MGAT4C: variants seen among roughly 807,000 people sequenced by gnomAD.
MGAT4C encodes the protein alpha-1,3-mannosyl-glycoprotein 4-beta-N-acetylglucosaminyltransferase C.
Under a neutral mutation model 40.1 loss-of-function variants are expected in MGAT4C, and 19 were observed. The ratio of observed to expected loss-of-function variants is 0.47; its 90% CI spans 0.33 to 0.70. MGAT4C has a LOEUF of 0.70. Among genes scored for constraint, MGAT4C ranks in the 30% least tolerant of loss-of-function variants. The pLI is 0.02. For synonymous variants in MGAT4C, 181 were observed against 187.1 expected (o/e 0.97, Z 0.27); for missense variants, 491 against 563.2 (o/e 0.87, Z 1.30).
At chr12:86,087,632 C>T (rs931649992) in intron 1 of MGAT4C, among the ~76,000 whole-genome samples, 5 of 151,772 alleles carry the variant, frequency 3.3e-5, no homozygotes, top group Admixed American at 1.3e-4. Flanking sequence ...GGGAACACAA[C>T]GGAGTTCACA....
At chr12:86,831,399 T>C (rs1431160278) in intron 1 of MGAT4C, among the ~76,000 whole-genome samples, 1 of 151,716 alleles carries the variant, frequency 6.6e-6, no homozygotes, top group Non-Finnish European at 1.5e-5. Context: ...TGTGATGGGA[T>C]AAGAAGATGC....
chr12:86,448,520 C>G (rs560583769), intron 2 of MGAT4C, among the ~76,000 whole-genome samples: 4 of 152,284 alleles, frequency 2.6e-5, no homozygotes, highest in African/African-American at 9.6e-5. Flanking sequence ...TCTTTACTTA[C>G]TACCTGAATC....
At chr12:86,604,881 G>A (rs1034552845) in intron 2 of MGAT4C, among the ~76,000 whole-genome samples, 1 of 152,118 alleles carries the variant, frequency 6.6e-6, no homozygotes, top group Admixed American at 6.6e-5. Flanking sequence ...TAAGACTCTA[G>A]GGAGCATGTA....
chr12:86,605,665 G>A (rs558343796), intron 2 of MGAT4C, among the ~76,000 whole-genome samples: 79 of 152,258 alleles, frequency 5.2e-4, no homozygotes, highest in African/African-American at 1.7e-3. Context: ...CTGAGCAATG[G>A]TGAGTACTTC....
intron 2 of MGAT4C, among the ~76,000 whole-genome samples, chr12:86,603,339 G>T (rs1339947839): frequency 7.6e-6 from 1 of 131,406 alleles, no homozygotes. Context: ...ATATAGTATA[G>T]TATATAATTA....
At position 85,957,610 on chromosome 12, in the gene MGAT4C, C is replaced by CA. The variant is rs1331908643; in HGVS notation, c.*21678dup. On this transcript the variant is annotated 3_prime_UTR_variant, in exon 5 of 5. Coordinates refer to ENST00000611864, the MANE Select transcript of MGAT4C (RefSeq NM_001351288.2). ...ATGGCTGAAGATAGCTCTGTTATGT[C>CA]AAATAAAACCACAGATTTTCTTTTA... 1 of 92,994 alleles carries CA rather than the reference C, an allele frequency of 1.1e-5. No individual in the cohort carries two copies. The highest frequency in any genetic ancestry group is 2.1e-5 in the Non-Finnish European group (1 of 48,440). 5.8% of individuals were successfully genotyped at this position (92,994 alleles called of 1,614,324 possible). A position where few individuals can be genotyped will look rare whatever the true frequency, so the allele number is the denominator to read the frequency against.
intron 1 of MGAT4C, among the ~76,000 whole-genome samples, chr12:86,232,259 A>T (rs1951355221): frequency 6.6e-6 from 1 of 152,356 alleles, no homozygotes; most frequent in East Asian, 1.9e-4. Context: ...AAAGTTAAAA[A>T]TCCAACACTT....
chr12:86,497,322 T>C (rs1468731187), intron 2 of MGAT4C, among the ~76,000 whole-genome samples: 1 of 151,996 alleles, frequency 6.6e-6, no homozygotes, highest in Non-Finnish European at 1.5e-5. Flanking sequence ...ATTTCAAAGT[T>C]AAAGCAGCGT....
At chr12:86,172,477 A>G (rs1886956814) in intron 1 of MGAT4C, among the ~76,000 whole-genome samples, 1 of 152,140 alleles carries the variant, frequency 6.6e-6, no homozygotes. Context: ...AGCTTTTAAA[A>G]CAGGTAAAAC....
intron 2 of MGAT4C, among the ~76,000 whole-genome samples, chr12:86,572,710 C>G (rs867639183): frequency 7.2e-5 from 11 of 152,184 alleles, no homozygotes; most frequent in Middle Eastern, 3.4e-3. Context: ...CATGATTAAA[C>G]AAACCAGCTC....
At chr12:86,412,381 C>T (rs1956624488) in intron 3 of MGAT4C, among the ~76,000 whole-genome samples, 1 of 152,132 alleles carries the variant, frequency 6.6e-6, no homozygotes, top group African/African-American at 2.4e-5. Context: ...ACAGAGATGC[C>T]CAAAGTTTTG....
At chr12:86,764,014 G>T (rs142435550) in intron 1 of MGAT4C, among the ~76,000 whole-genome samples, 4 of 152,060 alleles carry the variant, frequency 2.6e-5, no homozygotes, top group Admixed American at 6.5e-5. Flanking sequence ...CAGTTGGTGC[G>T]GGGCAGTGGG....
intron 3 of MGAT4C, among the ~76,000 whole-genome samples, chr12:85,987,831 A>G (rs1437283869): frequency 6.6e-6 from 1 of 152,222 alleles, no homozygotes; most frequent in Non-Finnish European, 1.5e-5. Flanking sequence ...AAGTAATTGA[A>G]CATAGCAAGC....
chr12:86,117,631 T>C (rs1280568911), intron 1 of MGAT4C, among the ~76,000 whole-genome samples: 2 of 152,120 alleles, frequency 1.3e-5, no homozygotes, highest in African/African-American at 4.8e-5. Context: ...ATAAAACTCC[T>C]TTCACCAAAA....
chr12:86,510,883 T>A (rs948293339), intron 2 of MGAT4C, among the ~76,000 whole-genome samples: 1 of 151,566 alleles, frequency 6.6e-6, no homozygotes, highest in Non-Finnish European at 1.5e-5. Context: ...CTCCCACACA[T>A]TAATAATGGG....
intron 2 of MGAT4C, among the ~76,000 whole-genome samples, chr12:86,662,179 G>A (rs1053269624): frequency 4.6e-5 from 7 of 152,088 alleles, no homozygotes; most frequent in African/African-American, 7.2e-5. Flanking sequence ...TCTCAGAAAC[G>A]TCAGCATGCT....
intron 2 of MGAT4C, among the ~76,000 whole-genome samples, chr12:86,720,701 C>T (rs1180990600): frequency 6.6e-6 from 1 of 152,098 alleles, no homozygotes; most frequent in Non-Finnish European, 1.5e-5. Context: ...TTAAGGCACT[C>T]ATAAGTTAGT....
At chr12:86,355,884 A>C (rs1955298540) in intron 3 of MGAT4C, among the ~76,000 whole-genome samples, 1 of 151,716 alleles carries the variant, frequency 6.6e-6, no homozygotes, top group Non-Finnish European at 1.5e-5. Flanking sequence ...CGTTCCTTAA[A>C]CTTAATTTTA....
At chr12:86,728,648 G>A (rs892913962) in intron 1 of MGAT4C, among the ~76,000 whole-genome samples, 19 of 152,254 alleles carry the variant, frequency 1.2e-4, no homozygotes, top group African/African-American at 2.2e-4. Flanking sequence ...CTGAGATCTC[G>A]TCACTGCCCT....
Sources: gnomAD v4.1 joint callset for allele counts (sites outside exome capture counted in the v4.1 genomes callset) on GRCh38, gnomAD v4.1.1 for gene constraint, MANE v1.5 for transcripts, NCBI Gene and HGNC (gene_info 2026-07-23, HGNC 2026-07-21) for gene names.